The following FBXL13 variants were observed in gnomAD, a reference collection of about 807,000 sequenced individuals.
FBXL13 encodes the protein F-box and leucine-rich repeat protein 13.
A neutral mutation model predicts 83.6 loss-of-function variants in FBXL13; 67 were observed. The ratio of observed to expected loss-of-function variants is 0.80; its 90% CI spans 0.66 to 0.98. The LOEUF (loss-of-function observed/expected upper bound fraction) is 0.98. Ranked by LOEUF, FBXL13 falls within the 50% of genes least tolerant of loss-of-function variation. The pLI, the probability that FBXL13 is intolerant of heterozygous loss-of-function variation, is 0.00. For missense variants in FBXL13, 822 were observed against 866.5 expected (o/e 0.95, Z 0.64); for synonymous variants, 272 against 299.5 (o/e 0.91, Z 0.95).
intron 16 of FBXL13, among the ~76,000 whole-genome samples, chr7:102,867,251 G>A (rs1807784726): frequency 1.3e-5 from 2 of 152,092 alleles, no homozygotes; most frequent in Admixed American, 1.3e-4. Context: ...CCAGCTACTT[G>A]GGAGGCTGAG....
At chr7:102,955,421 G>T (rs1331675509) in intron 8 of FBXL13, among the ~76,000 whole-genome samples, 1 of 151,896 alleles carries the variant, frequency 6.6e-6, no homozygotes, top group Non-Finnish European at 1.5e-5. Context: ...AGCACTAAAT[G>T]CCCCAAGAGT....
At chr7:102,954,671 A>G (rs1438253748) in intron 8 of FBXL13, among the ~76,000 whole-genome samples, 1 of 152,210 alleles carries the variant, frequency 6.6e-6, no homozygotes, top group Non-Finnish European at 1.5e-5. Flanking sequence ...AGACACAGGT[A>G]GGCTCAAAAT....
intron 10 of FBXL13, among the ~76,000 whole-genome samples, chr7:102,917,608 A>G (rs1228966248): frequency 2.6e-5 from 4 of 152,188 alleles, no homozygotes; most frequent in Admixed American, 1.3e-4. Context: ...CAATCAGATG[A>G]CTGGAGTTAA....
At chr7:102,909,549 A>C (rs995365411) in intron 11 of FBXL13, among the ~76,000 whole-genome samples, 1 of 151,694 alleles carries the variant, frequency 6.6e-6, no homozygotes, top group Non-Finnish European at 1.5e-5. Flanking sequence ...TCAATGTAGT[A>C]GCTGGGTATT....
chr7:102,852,335 T>C (rs913837694), intron 17 of FBXL13, among the ~76,000 whole-genome samples: 4 of 152,088 alleles, frequency 2.6e-5, no homozygotes, highest in Admixed American at 1.3e-4. Flanking sequence ...TTATTCAATT[T>C]GTACTTAATT....
chr7:102,913,087 TG>T lies in FBXL13; in HGVS notation c.1006del (p.Gln336ArgfsTer28), dbSNP rs764600570. On this transcript the variant is annotated frameshift_variant and splice_region_variant, in exon 11 of 20. Transcript: ENST00000313221. LOFTEE classifies it high-confidence loss of function. ...CAAAGAGAAGACTGAAAGACAAACC[TG>T]GGTGCAGCCAGAGAGGTCCAGATAG... 1 of 1,614,084 alleles carries T rather than the reference TG, an allele frequency of 6.2e-7. No individual in the cohort carries two copies. The highest frequency in any genetic ancestry group is 8.5e-7 in the Non-Finnish European group (1 of 1,179,986).
At chr7:102,930,385 T>C (rs1461032301) in intron 9 of FBXL13, among the ~76,000 whole-genome samples, 1 of 152,098 alleles carries the variant, frequency 6.6e-6, no homozygotes, top group Non-Finnish European at 1.5e-5. Context: ...CCTGTTTCCA[T>C]TTCCCTGCCC....
In FBXL13 at chr7:102,926,496, C is replaced by T. The variant is rs573180916; in HGVS notation, c.778-122G>A. The T allele has an allele frequency of 1.2e-4, 80 of 695,242 alleles. No homozygotes were observed. In the African/African-American group the frequency reaches 1.3e-3, roughly 11 times the overall value. 43.1% of individuals were successfully genotyped at this position (695,242 alleles called of 1,614,324 possible). A position where few individuals can be genotyped will look rare whatever the true frequency, so the allele number is the denominator to read the frequency against. ...AAATACATGTAAGAGTTGGTTTCTT[C>T]ATATTCTTTATCTACTATTAGGTTG... On this transcript the variant is annotated intron_variant, in intron 9 of 19. Coordinates refer to ENST00000313221, the Ensembl canonical transcript of FBXL13.
At chr7:103,024,318 G>C (rs1793596414) in intron 6 of FBXL13, among the ~76,000 whole-genome samples, 1 of 151,962 alleles carries the variant, frequency 6.6e-6, no homozygotes, top group African/African-American at 2.4e-5. Context: ...CCTGAGGTCA[G>C]GAGTTTAAGA....
At chr7:102,831,939 T>A (rs1420331402) in intron 18 of FBXL13, among the ~76,000 whole-genome samples, 4 of 152,190 alleles carry the variant, frequency 2.6e-5, no homozygotes. Flanking sequence ...GTTCTTTACA[T>A]GGAGATATGT....
At chr7:102,859,531 C>T (rs920817254) in intron 16 of FBXL13, among the ~76,000 whole-genome samples, 12 of 152,066 alleles carry the variant, frequency 7.9e-5, no homozygotes, top group African/African-American at 2.9e-4. Context: ...AAACAAGTGA[C>T]ATTTACATTT....
intron 9 of FBXL13, 35 bp downstream of exon 10, chr7:102,931,846 T>C (rs765448428): frequency 6.2e-7 from 1 of 1,601,964 alleles, no homozygotes; most frequent in African/African-American, 1.3e-5. Flanking sequence ...AGTCAATCTA[T>C]ATAAACAGCA....
At chr7:102,992,186 A>G (rs889555287) in intron 6 of FBXL13, among the ~76,000 whole-genome samples, 19 of 152,190 alleles carry the variant, frequency 1.2e-4, no homozygotes, top group African/African-American at 4.6e-4. Flanking sequence ...GAACAGCTTT[A>G]TAAGTCTGCC....
intron 16 of FBXL13, among the ~76,000 whole-genome samples, chr7:102,859,681 A>G (rs1211558371): frequency 1.3e-5 from 2 of 152,204 alleles, no homozygotes; most frequent in Non-Finnish European, 1.5e-5. Context: ...AGTGGGGCAA[A>G]GGGCAGATTG....
rs1480733047 is a variant in FBXL13 at position 103,031,053 on chromosome 7, T to G, written c.1-1635A>C. ...TTATTATTGGTATATATTCTTTTCTTCACAGGGAAAAGCAAGTTTAAGAGA... is the reference window on the plus strand; with the variant it reads ...TTATTATTGGTATATATTCTTTTCTGCACAGGGAAAAGCAAGTTTAAGAGA... On this transcript the variant is annotated intron_variant, in intron 2 of 19. Transcript: ENST00000313221. 5 of 152,184 alleles carry G rather than the reference T, an allele frequency of 3.3e-5. No homozygotes were observed. The East Asian group carries it at 9.6e-4, about 29-fold the overall frequency. 9.4% of individuals were successfully genotyped at this position (152,184 alleles called of 1,614,324 possible).
intron 9 of FBXL13, among the ~76,000 whole-genome samples, chr7:102,929,442 A>T (rs1007187319): frequency 8.5e-5 from 13 of 152,106 alleles, no homozygotes; most frequent in African/African-American, 3.1e-4. Flanking sequence ...CGGGTGGATC[A>T]CTTGAGCTCA....
Position 102,851,445 on chromosome 7 carries a change from T to TTCCCTCCCTCTCCCTCCC in FBXL13, c.1719+3331_1719+3332insGGGAGGGAGAGGGAGGGA, listed in dbSNP as rs373090160. Among the ~76,000 whole-genome samples the TTCCCTCCCTCTCCCTCCC allele has an allele frequency of 6.1e-3, 911 of 149,468 alleles. 12 individuals are homozygous for TTCCCTCCCTCTCCCTCCC. The highest frequency in any genetic ancestry group is 0.021 in the African/African-American group (822 of 39,872). Reference sequence around the variant, plus strand: ...TTTTCTTTCTCTCTTTCTTCCCTCCTTCCTTCCTTCCCTCCCTCCCTCCCT... The same window carrying TTCCCTCCCTCTCCCTCCC: ...TTTTCTTTCTCTCTTTCTTCCCTCCTTCCCTCCCTCTCCCTCCCTCCTTCCTTCCCTCCCTCCCTCCCT... On this transcript the variant is annotated intron_variant, in intron 17 of 19. Transcript: ENST00000313221.
chr7:102,829,413 C>A (rs193045304), intron 18 of FBXL13, among the ~76,000 whole-genome samples: 2 of 152,322 alleles, frequency 1.3e-5, no homozygotes, highest in South Asian at 2.1e-4. Flanking sequence ...GGCCTGCTTT[C>A]GCTTACCTTA....
chr7:103,025,807 C>T (rs541799308), intron 5 of FBXL13, among the ~76,000 whole-genome samples: 1 of 151,972 alleles, frequency 6.6e-6, no homozygotes, highest in South Asian at 2.1e-4. Context: ...TGTATATACA[C>T]ACACATATTA....
Sources: gnomAD v4.1 joint callset for allele counts (sites outside exome capture counted in the v4.1 genomes callset) on GRCh38, gnomAD v4.1.1 for gene constraint, MANE v1.5 for transcripts, NCBI Gene and HGNC (gene_info 2026-07-23, HGNC 2026-07-21) for gene names.